Variants in EBF2 observed in about 807,000 individuals in gnomAD.
EBF2 encodes transcription factor COE2.
In EBF2, 21 loss-of-function variants were observed where a neutral mutation model predicts 72.8. That is an observed-to-expected ratio of 0.29 (90% CI 0.20 to 0.42). EBF2 has a LOEUF of 0.42. EBF2 is among the 10% of genes least tolerant of loss of function. EBF2 has a pLI of 1.00. For missense variants in EBF2, 637 were observed against 731.2 expected (o/e 0.87, Z 1.49); for synonymous variants, 299 against 274.2 (o/e 1.09, Z -0.89).
At chr8:26,041,958 C>G (rs1216585958) in intron 2 of EBF2, 137 bp downstream of exon 2, 2 of 1,314,664 alleles carry the variant, frequency 1.5e-6, no homozygotes, top group Admixed American at 4.2e-5. Flanking sequence ...GATTTAGAGG[C>G]TGGGGGTGAG....
Position 25,916,131 on chromosome 8 carries a change from C to T in EBF2, c.552-7576G>A, listed in dbSNP as rs1303565586. ...TAAAACCCAGTCTCTACTACATATA[C>T]AAAAATTAGCCAGGTGTGGTGGTGC... On this transcript the variant is annotated intron_variant, in intron 6 of 15. Coordinates refer to ENST00000520164, the MANE Select transcript of EBF2 (RefSeq NM_022659.4). Among the ~76,000 whole-genome samples the T allele has an allele frequency of 4.0e-5, 6 of 151,680 alleles. No homozygotes were observed. In the East Asian group the frequency reaches 1.2e-3, roughly 29 times the overall value.
chr8:25,957,729 G>T (rs1052491813), intron 6 of EBF2, among the ~76,000 whole-genome samples: 37 of 152,158 alleles, frequency 2.4e-4, no homozygotes, highest in Admixed American at 5.9e-4. Flanking sequence ...AGCCGGGTGT[G>T]GTGGCACGCA....
intron 6 of EBF2, among the ~76,000 whole-genome samples, chr8:26,009,565 T>C (rs1243703668): frequency 6.6e-6 from 1 of 152,234 alleles, no homozygotes; most frequent in African/African-American, 2.4e-5. Context: ...ACTTGGGTAT[T>C]GACTCTATTT....
chr8:25,875,981 T>C (rs967728818), intron 10 of EBF2, among the ~76,000 whole-genome samples: 2 of 152,152 alleles, frequency 1.3e-5, no homozygotes, highest in African/African-American at 4.8e-5. Context: ...TTGAAGCATG[T>C]TCACAAAAGC....
intron 13 of EBF2, among the ~76,000 whole-genome samples, chr8:25,860,136 T>G (rs1027588269): frequency 6.6e-6 from 1 of 152,224 alleles, no homozygotes; most frequent in African/African-American, 2.4e-5. Context: ...CATTTACTCC[T>G]TTTAAAAATG....
chr8:25,858,600 A>G, intron 13 of EBF2, 96 bp from the exon 14 acceptor site: 3 of 1,213,208 alleles, frequency 2.5e-6, no homozygotes, highest in South Asian at 1.6e-5. Context: ...AGACTGCAGA[A>G]TGTCACCAGC....
intron 6 of EBF2, among the ~76,000 whole-genome samples, chr8:26,017,735 A>G (rs893009641): frequency 6.6e-6 from 1 of 152,224 alleles, no homozygotes; most frequent in Non-Finnish European, 1.5e-5. Flanking sequence ...CAATTAGAAC[A>G]ATCTGAAAAT....
chr8:25,976,704 A>G (rs1385310999), intron 6 of EBF2, among the ~76,000 whole-genome samples: 1 of 152,224 alleles, frequency 6.6e-6, no homozygotes, highest in Non-Finnish European at 1.5e-5. Flanking sequence ...GGTCTTTTAA[A>G]CCTTCTAAGT....
At position 25,844,416 on chromosome 8, in the gene EBF2, T is replaced by C. The variant is rs551122144; in HGVS notation, c.*193A>G. On this transcript the variant is annotated 3_prime_UTR_variant, in exon 16 of 16. Transcript: ENST00000520164. ...ATCTTTTGTCCTTGTCCCAAGAGGG[T>C]CAGTTTGTGTAGCCACCATCAGAGC... The C allele has an allele frequency of 1.7e-6, 1 of 578,442 alleles. No homozygotes were observed. The highest frequency in any genetic ancestry group is 2.2e-5 in the South Asian group (1 of 44,966). The allele number at this position is 578,442 out of a possible 1,614,324, so 35.8% of individuals were successfully genotyped here.
At chr8:25,934,940 G>C (rs1247779137) in intron 6 of EBF2, among the ~76,000 whole-genome samples, 3 of 152,162 alleles carry the variant, frequency 2.0e-5, no homozygotes, top group African/African-American at 7.2e-5. Context: ...GCGAACTGCC[G>C]CAGTTGCTTC....
intron 6 of EBF2, among the ~76,000 whole-genome samples, chr8:25,929,695 C>T (rs1199545672): frequency 1.3e-5 from 2 of 152,194 alleles, no homozygotes; most frequent in African/African-American, 4.8e-5. Context: ...ATGACTCCCT[C>T]CTTGGGACGT....
intron 6 of EBF2, among the ~76,000 whole-genome samples, chr8:25,920,922 G>A (rs538754751): frequency 6.6e-6 from 1 of 152,108 alleles, no homozygotes; most frequent in African/African-American, 2.4e-5. Flanking sequence ...AGTTGGTGGG[G>A]GTGGGGAGCA....
chr8:25,921,203 T>A (rs899439432), intron 6 of EBF2, among the ~76,000 whole-genome samples: 7 of 152,198 alleles, frequency 4.6e-5, no homozygotes, highest in Non-Finnish European at 8.8e-5. Context: ...GCCAAACCCA[T>A]GTAAAAATAT....
intron 6 of EBF2, among the ~76,000 whole-genome samples, chr8:25,992,496 C>T (rs980267451): frequency 6.6e-5 from 10 of 152,044 alleles, no homozygotes; most frequent in East Asian, 3.9e-4. Flanking sequence ...TTTGGTGGTG[C>T]GCTTGGTCAG....
intron 6 of EBF2, among the ~76,000 whole-genome samples, chr8:26,014,370 A>G (rs568499570): frequency 1.3e-5 from 2 of 152,276 alleles, no homozygotes; most frequent in African/African-American, 4.8e-5. Flanking sequence ...TAGTAGTAGT[A>G]TTAGTATTAG....
At chr8:25,960,702 T>C (rs952399563) in intron 6 of EBF2, among the ~76,000 whole-genome samples, 1 of 152,180 alleles carries the variant, frequency 6.6e-6, no homozygotes, top group Non-Finnish European at 1.5e-5. Context: ...TGGTCTTTGA[T>C]GCTGTTTCGT....
intron 6 of EBF2, among the ~76,000 whole-genome samples, chr8:26,023,152 A>G (rs1329379773): frequency 6.6e-6 from 1 of 152,146 alleles, no homozygotes; most frequent in Admixed American, 6.5e-5. Context: ...TGTTCACTCC[A>G]ATAGAAGAAG....
Position 25,907,781 on chromosome 8 carries a change from G to A in EBF2, c.633+693C>T, listed in dbSNP as rs566889684. On this transcript the variant is annotated intron_variant, in intron 7 of 15. Transcript: ENST00000520164. ...AGGTGCCACATCTAGAACGGGGTGT[G>A]AGTGGCAGGAAAGCCATTTGGTGAA... 1.1e-4 allele frequency among the ~76,000 whole-genome samples: 16 copies of A among 152,320 alleles called. 1 individual carries two copies. In the East Asian group the frequency reaches 3.1e-3, roughly 29 times the overall value.
intron 7 of EBF2, among the ~76,000 whole-genome samples, chr8:25,905,404 ATTGT>A (rs1394332168): frequency 2.0e-5 from 3 of 152,202 alleles, no homozygotes; most frequent in African/African-American, 7.2e-5. Context: ...TAACAGTGTC[ATTGT>A]TTGTAATAGC....
Sources: gnomAD v4.1 joint callset for allele counts (sites outside exome capture counted in the v4.1 genomes callset) on GRCh38, gnomAD v4.1.1 for gene constraint, MANE v1.5 for transcripts, NCBI Gene and HGNC (gene_info 2026-07-23, HGNC 2026-07-21) for gene names.